The following CMBL variants were observed in gnomAD, a reference collection of about 807,000 sequenced individuals.
CMBL encodes the protein carboxymethylenebutenolidase homolog (Pseudomonas).
Under a neutral mutation model 28.7 loss-of-function variants are expected in CMBL, and 17 were observed. The observed-to-expected ratio is 0.59, with a 90% CI of 0.41 to 0.89. The LOEUF (loss-of-function observed/expected upper bound fraction) is 0.89. CMBL is among the 40% of genes least tolerant of loss of function. The pLI, the probability that CMBL is intolerant of heterozygous loss-of-function variation, is 0.00. For missense variants in CMBL, 310 were observed against 298.5 expected, an observed-to-expected ratio of 1.04 and a Z score of -0.28; for synonymous variants, 106 against 101.6, an observed-to-expected ratio of 1.04 and a Z score of -0.26.
At chr5:10,297,543 C>G (rs957269809) in intron 1 of CMBL, among the ~76,000 whole-genome samples, 1 of 142,448 alleles carries the variant, frequency 7.0e-6, no homozygotes, top group Non-Finnish European at 1.5e-5. Context: ...CACTCCAGCC[C>G]GGACAAGAAG....
intron 2 of CMBL, among the ~76,000 whole-genome samples, chr5:10,288,965 C>T (rs1420220162): frequency 1.3e-5 from 2 of 152,188 alleles, no homozygotes; most frequent in Non-Finnish European, 2.9e-5. Flanking sequence ...GTCACTATGA[C>T]CAGGCAATGT....
chr5:10,287,663 G>A (rs1438300871), intron 3 of CMBL, among the ~76,000 whole-genome samples: 10 of 152,162 alleles, frequency 6.6e-5, no homozygotes, highest in East Asian at 1.9e-4. Flanking sequence ...AGTGGCTCAC[G>A]CCTATAGTGA....
chr5:10,293,527 G>T (rs1166628485), intron 1 of CMBL, among the ~76,000 whole-genome samples: 2 of 152,256 alleles, frequency 1.3e-5, no homozygotes, highest in East Asian at 3.9e-4. Context: ...CACCTTGAGG[G>T]TTAGGATTTC....
At chr5:10,290,297 T>C in intron 2 of CMBL, 6 of 500,882 alleles carry the variant, frequency 1.2e-5, no homozygotes, top group Non-Finnish European at 2.2e-5. Context: ...GAATTCTCAA[T>C]GTCCAGCAAG....
intron 1 of CMBL, among the ~76,000 whole-genome samples, chr5:10,297,569 C>CA (rs551779818): frequency 0.15 from 9,716 of 65,164 alleles, 472 homozygotes; most frequent in African/African-American, 0.21. Flanking sequence ...AACTCTATCT[C>CA]AAAAAAAAAA....
intron 4 of CMBL, among the ~76,000 whole-genome samples, chr5:10,282,878 T>C (rs973145532): frequency 6.6e-6 from 1 of 151,796 alleles, no homozygotes; most frequent in Non-Finnish European, 1.5e-5. Context: ...GATCATGAGG[T>C]CAGGAGTCCG....
At position 10,286,605 on chromosome 5, in the gene CMBL, A is replaced by G. The variant is rs1746609286; in HGVS notation, c.324-109T>C. The G allele has an allele frequency of 4.9e-6, 5 of 1,014,704 alleles. No homozygotes were observed. The South Asian group carries it at 7.8e-5, about 16-fold the overall frequency. The allele number at this position is 1,014,704 out of a possible 1,614,324, so 62.9% of individuals were successfully genotyped here. On this transcript the variant is annotated intron_variant, in intron 3 of 5. Coordinates refer to ENST00000296658, the MANE Select transcript of CMBL (RefSeq NM_138809.4). The stretch of plus-strand genomic sequence containing the variant: ...ATCAGCAACTGTTTTTGAAGTTGCC[A>G]AGGTTTCTTCTTTTGGGAGCTCCAC...
At chr5:10,290,203 C>T (rs749779613) in intron 2 of CMBL, among the ~76,000 whole-genome samples, 5 of 152,164 alleles carry the variant, frequency 3.3e-5, no homozygotes, top group South Asian at 4.1e-4. Flanking sequence ...GTTGAAGGAC[C>T]GAGTCACGGG....
chr5:10,282,993 G>A (rs1746524488), intron 4 of CMBL, among the ~76,000 whole-genome samples: 1 of 151,508 alleles, frequency 6.6e-6, no homozygotes, highest in Middle Eastern at 3.2e-3. Flanking sequence ...GGGAGGCTGA[G>A]GCAGGAGAAT....
At chr5:10,298,847 C>G (rs1171217829) in intron 1 of CMBL, among the ~76,000 whole-genome samples, 1 of 152,122 alleles carries the variant, frequency 6.6e-6, no homozygotes, top group Non-Finnish European at 1.5e-5. Context: ...CAGACGAGAT[C>G]GCGCCACTGC....
chr5:10,285,214 G>C (rs1746576413), intron 4 of CMBL, among the ~76,000 whole-genome samples: 2 of 152,142 alleles, frequency 1.3e-5, no homozygotes, highest in African/African-American at 4.8e-5. Context: ...TGTTGCCTGG[G>C]TTGGAGTGCA....
In CMBL at chr5:10,279,564, C is replaced by T. The variant is rs1346036018; in HGVS notation, c.*889G>A. 1 of 148,604 alleles carries T rather than the reference C, an allele frequency of 6.7e-6. No homozygotes were observed. Among genetic ancestry groups the T allele is most frequent in the Non-Finnish European group, 1.5e-5 (1 of 67,474 alleles). The allele number at this position is 148,604 out of a possible 1,614,324, so 9.2% of individuals were successfully genotyped here. A position where few individuals can be genotyped will look rare whatever the true frequency, so the allele number is the denominator to read the frequency against. On this transcript the variant is annotated 3_prime_UTR_variant, in exon 6 of 6. Coordinates refer to ENST00000296658, the MANE Select transcript of CMBL (RefSeq NM_138809.4). ...TGTAGGTTTTTTTTTTTTTTTGAGA[C>T]AGAGTCTCCCTCTGTTGTCCAGGCT...
At chr5:10,298,832 G>A (rs1336868444) in intron 1 of CMBL, among the ~76,000 whole-genome samples, 1 of 152,212 alleles carries the variant, frequency 6.6e-6, no homozygotes, top group Non-Finnish European at 1.5e-5. Flanking sequence ...GGCAAAGGCT[G>A]CAGTCAGACG....
At chr5:10,302,945 G>A (rs907507634) in intron 1 of CMBL, among the ~76,000 whole-genome samples, 13 of 152,148 alleles carry the variant, frequency 8.5e-5, no homozygotes, top group African/African-American at 3.1e-4. Context: ...GATTACCTGA[G>A]AGTCTGGCAG....
chr5:10,281,521 T>C (rs926226527), intron 5 of CMBL, among the ~76,000 whole-genome samples: 9 of 152,232 alleles, frequency 5.9e-5, no homozygotes, highest in African/African-American at 1.4e-4. Flanking sequence ...CCCAGCTAAA[T>C]GACTGCTTTT....
chr5:10,287,713 A>C (rs1746629186), intron 3 of CMBL, among the ~76,000 whole-genome samples: 1 of 150,556 alleles, frequency 6.6e-6, no homozygotes, highest in South Asian at 2.1e-4. Context: ...TTAATTAATT[A>C]ATTTCTTTTT....
At chr5:10,304,220 T>C (rs1448933760) in intron 1 of CMBL, among the ~76,000 whole-genome samples, 2 of 151,292 alleles carry the variant, frequency 1.3e-5, no homozygotes, top group African/African-American at 4.9e-5. Flanking sequence ...AATTAGAAAA[T>C]TAGCCAGGCT....
chr5:10,296,309 C>T (rs1037999599), intron 1 of CMBL, among the ~76,000 whole-genome samples: 2 of 152,190 alleles, frequency 1.3e-5, no homozygotes, highest in African/African-American at 4.8e-5. Flanking sequence ...GAGACACAGT[C>T]TCACTCTGTC....
Position 10,277,649 on chromosome 5 carries a change from GA to G in CMBL, c.*2803del, listed in dbSNP as rs1482407262. Among the ~76,000 whole-genome samples the G allele has an allele frequency of 2.6e-5, 4 of 151,896 alleles. No individual in the cohort carries two copies. The highest frequency in any genetic ancestry group is 9.7e-5 in the African/African-American group (4 of 41,334). On this transcript the variant is annotated 3_prime_UTR_variant, in exon 6 of 6. Transcript: ENST00000296658. ...GAAAATTTAAAATTACATACATGGG[GA>G]AAAAAGCTAAAGTTGCCATTTTTTC...
Sources: allele counts gnomAD v4.1 joint callset (sites outside exome capture counted in the v4.1 genomes callset), GRCh38; gene constraint gnomAD v4.1.1; transcripts MANE v1.5; gene names NCBI Gene and HGNC (gene_info 2026-07-23, HGNC 2026-07-21).